DCTD: variants seen among roughly 807,000 people sequenced by gnomAD.
DCTD encodes the protein deoxycytidylate deaminase.
A neutral mutation model predicts 21.0 loss-of-function variants in DCTD; 23 were observed. The ratio of observed to expected loss-of-function variants is 1.09; its 90% CI spans 0.79 to 1.55. The LOEUF (loss-of-function observed/expected upper bound fraction) is 1.55. Ranked by LOEUF, DCTD falls within the 40% of genes most tolerant of loss-of-function variation. The pLI is 0.00. For missense variants in DCTD, 224 were observed against 230.0 expected (o/e 0.97, Z 0.17); for synonymous variants, 71 against 81.1 (o/e 0.88, Z 0.67).
chr4:182,914,283 C>T (rs1579783637), intron 3 of DCTD, among the ~76,000 whole-genome samples: 2 of 152,378 alleles, frequency 1.3e-5, no homozygotes, highest in Admixed American at 1.3e-4. Flanking sequence ...GTTGGGATTA[C>T]AGGCGTGAGC....
At chr4:182,909,425 T>C (rs980819250) in intron 3 of DCTD, among the ~76,000 whole-genome samples, 1 of 152,178 alleles carries the variant, frequency 6.6e-6, no homozygotes, top group South Asian at 2.1e-4. Flanking sequence ...AGGTTTTCCA[T>C]TGATTATAAC....
chr4:182,910,589 G>T (rs1272086136), intron 3 of DCTD, among the ~76,000 whole-genome samples: 2 of 151,948 alleles, frequency 1.3e-5, no homozygotes, highest in East Asian at 1.9e-4. Context: ...AGATAAATCT[G>T]CTGCTTCCTC....
At chr4:182,905,891 T>TTC (rs1220700073) in intron 3 of DCTD, among the ~76,000 whole-genome samples, 1 of 152,182 alleles carries the variant, frequency 6.6e-6, no homozygotes, top group Non-Finnish European at 1.5e-5. Context: ...AAAATCTTGC[T>TTC]TCTCCTCCTC....
At chr4:182,917,397 C>T (rs1423437894), upstream of DCTD, 22 of 1,051,070 alleles carry the variant, frequency 2.1e-5, no homozygotes, top group East Asian at 9.6e-4. The surrounding 1 kb of genome is among the most constrained non-coding windows in gnomAD (Gnocchi z 4.9). Context: ...GAGGCGGGGC[C>T]GCCGCGGGGC....
chr4:182,903,012 G>A lies in DCTD; in HGVS notation c.245-8407C>T, dbSNP rs1360783706. Among the ~76,000 whole-genome samples the A allele has an allele frequency of 3.9e-5, 6 of 152,188 alleles. No homozygotes were observed. The East Asian group carries it at 1.2e-3, about 29-fold the overall frequency. The stretch of plus-strand genomic sequence containing the variant: ...CAAAGGGATTTAAATCCTAGGATGT[G>A]CCTACACAAAGGTAATACCCTGTTC... On this transcript the variant is annotated intron_variant, in intron 3 of 5. Coordinates refer to ENST00000438320, the MANE Select transcript of DCTD (RefSeq NM_001921.3).
chr4:182,903,331 C>T (rs1434780037), intron 3 of DCTD, among the ~76,000 whole-genome samples: 1 of 152,210 alleles, frequency 6.6e-6, no homozygotes, highest in Non-Finnish European at 1.5e-5. Context: ...CCAGACACTC[C>T]TGCCCCCAGC....
At chr4:182,912,883 C>T (rs977403189) in intron 3 of DCTD, among the ~76,000 whole-genome samples, 6 of 152,178 alleles carry the variant, frequency 3.9e-5, no homozygotes, top group Non-Finnish European at 1.5e-5. Flanking sequence ...CACTGTCCAA[C>T]CACGGGTATC....
intron 3 of DCTD, among the ~76,000 whole-genome samples, chr4:182,906,095 C>T (rs183378041): frequency 6.6e-6 from 1 of 152,166 alleles, no homozygotes; most frequent in Admixed American, 6.5e-5. Flanking sequence ...GCTGGCGAGT[C>T]GCTGTTTCCA....
chr4:182,900,184 C>T (rs917516269), intron 3 of DCTD, among the ~76,000 whole-genome samples: 2 of 152,090 alleles, frequency 1.3e-5, no homozygotes, highest in Admixed American at 1.3e-4. Flanking sequence ...GGTATGGTGG[C>T]GTGCACCTGT....
chr4:182,913,808 A>G (rs1738161719), intron 3 of DCTD, among the ~76,000 whole-genome samples: 1 of 152,182 alleles, frequency 6.6e-6, no homozygotes, highest in Admixed American at 6.5e-5. Context: ...AAGGAATGCA[A>G]GGAAAAGTAA....
intron 3 of DCTD, among the ~76,000 whole-genome samples, chr4:182,906,634 T>C (rs752132929): frequency 1.2e-4 from 18 of 152,238 alleles, no homozygotes; most frequent in Admixed American, 2.6e-4. Flanking sequence ...TCGTTAGTAC[T>C]TATTTTAATT....
chr4:182,891,517 A>G, intron 5 of DCTD, 40 bp from the exon 6 acceptor site: 3 of 1,369,002 alleles, frequency 2.2e-6, no homozygotes, highest in Non-Finnish European at 3.1e-6. Context: ...TCTGGTGAGT[A>G]GTGAAAGCAA....
At chr4:182,899,399 C>CTTTTTTTTTTTTTTTTTTTT (rs548073020) in intron 3 of DCTD, among the ~76,000 whole-genome samples, 1 of 144,328 alleles carries the variant, frequency 6.9e-6, no homozygotes, top group Non-Finnish European at 1.5e-5. Context: ...CCTTTTTTTT[C>CTTTTTTTTTTTTTTTTTTTT]TTTTTCTTTT....
At chr4:182,905,973 C>T (rs34191514) in intron 3 of DCTD, among the ~76,000 whole-genome samples, 9,552 of 152,154 alleles carry the variant, frequency 0.063, 352 homozygotes, top group South Asian at 0.1. Context: ...CCCTTTATCA[C>T]GCCATCTTCC....
intron 3 of DCTD, among the ~76,000 whole-genome samples, chr4:182,905,330 T>TC (rs1736490418): frequency 6.7e-6 from 1 of 149,342 alleles, no homozygotes; most frequent in South Asian, 2.1e-4. Context: ...CGCCTTCTTT[T>TC]TTTTTTTTTT....
intron 3 of DCTD, among the ~76,000 whole-genome samples, chr4:182,900,631 A>G (rs1261705536): frequency 6.6e-6 from 1 of 152,186 alleles, no homozygotes; most frequent in Non-Finnish European, 1.5e-5. Context: ...AAAATGTTCA[A>G]CCTAGAATTA....
At chr4:182,909,967 T>C (rs1280451811) in intron 3 of DCTD, among the ~76,000 whole-genome samples, 1 of 152,134 alleles carries the variant, frequency 6.6e-6, no homozygotes, top group East Asian at 1.9e-4. Flanking sequence ...TAATTCCAGG[T>C]TTTTCAGCAT....
Position 182,917,206 on chromosome 4 carries a change from C to T in DCTD, c.-8+105G>A. ...GCCCCCAGCGTCCGCGGCCCCAGGCCCCCGCCCGGCAGCCAGCGCCCCGCG... is the reference window on the plus strand; with the variant it reads ...GCCCCCAGCGTCCGCGGCCCCAGGCTCCCGCCCGGCAGCCAGCGCCCCGCG... On this transcript the variant is annotated intron_variant, in intron 1 of 5. Coordinates refer to ENST00000438320, the MANE Select transcript of DCTD (RefSeq NM_001921.3). This position sits in a 1 kb window ranked among gnomAD's most constrained non-coding sequence, Gnocchi z 4.9. The T allele has an allele frequency of 3.0e-6, 3 of 993,558 alleles. No individual in the cohort carries two copies. The South Asian group carries it at 1.4e-4, about 45-fold the overall frequency. The allele number at this position is 993,558 out of a possible 1,614,324, so 61.5% of individuals were successfully genotyped here. A position where few individuals can be genotyped will look rare whatever the true frequency, so the allele number is the denominator to read the frequency against.
intron 3 of DCTD, among the ~76,000 whole-genome samples, chr4:182,906,199 AT>A (rs1444574222): frequency 6.6e-6 from 1 of 152,160 alleles, no homozygotes; most frequent in Non-Finnish European, 1.5e-5. Flanking sequence ...GCTTCTAAAC[AT>A]CAGAAATGTA....
Sources: allele counts gnomAD v4.1 joint callset (sites outside exome capture counted in the v4.1 genomes callset), GRCh38; gene constraint gnomAD v4.1.1; non-coding constraint Gnocchi (gnomAD v3.1); transcripts MANE v1.5; gene names NCBI Gene and HGNC (gene_info 2026-07-23, HGNC 2026-07-21).